ASTN2: variants seen among roughly 807,000 people sequenced by gnomAD.
The protein encoded by ASTN2 is astrotactin-2.
Under a neutral mutation model 139.8 loss-of-function variants are expected in ASTN2, and 54 were observed. The ratio of observed to expected loss-of-function variants is 0.39; its 90% CI spans 0.31 to 0.48. The LOEUF (loss-of-function observed/expected upper bound fraction) is 0.48. ASTN2 is among the 20% of genes least tolerant of loss of function. The probability of loss-of-function intolerance (pLI) is 0.95; values close to 1 mark genes in which losing one functional copy is unlikely to be tolerated. For missense variants in ASTN2, 1,565 were observed against 1,725.1 expected (o/e 0.91, Z 1.64); for synonymous variants, 756 against 719.5 (o/e 1.05, Z -0.81).
chr9:116,756,330 T>A (rs1829531280), intron 13 of ASTN2, among the ~76,000 whole-genome samples: 1 of 152,190 alleles, frequency 6.6e-6, no homozygotes, highest in Admixed American at 6.6e-5. Context: ...TTATAGAACC[T>A]ATCTAAACCT....
intron 20 of ASTN2, among the ~76,000 whole-genome samples, chr9:116,456,660 T>C (rs1172698156): frequency 6.6e-6 from 1 of 152,020 alleles, no homozygotes; most frequent in Non-Finnish European, 1.5e-5. Context: ...TGCAGGGAAA[T>C]CTCTTTTTAT....
Position 116,442,434 on chromosome 9 carries a change from G to C in ASTN2, c.3598+19C>G. 1 of 1,607,782 alleles carries C rather than the reference G, an allele frequency of 6.2e-7. No individual in the cohort carries two copies. The highest frequency in any genetic ancestry group is 8.5e-7 in the Non-Finnish European group (1 of 1,174,296). On this transcript the variant is annotated intron_variant, in intron 21 of 22. Transcript: ENST00000313400. Reference sequence around the variant, plus strand: ...GAAATATGGGAGTTACTTTGGAGTTGAAAAACTGGGTTACCTACCTTCTGC... The same window carrying C: ...GAAATATGGGAGTTACTTTGGAGTTCAAAAACTGGGTTACCTACCTTCTGC...
At chr9:117,159,576 A>G (rs182013387) in intron 3 of ASTN2, among the ~76,000 whole-genome samples, 3 of 152,150 alleles carry the variant, frequency 2.0e-5, no homozygotes, top group East Asian at 1.9e-4. Flanking sequence ...TTGAGCATCA[A>G]TTCATTATTG....
At chr9:116,461,438 A>G (rs548046404) in intron 20 of ASTN2, among the ~76,000 whole-genome samples, 1 of 152,228 alleles carries the variant, frequency 6.6e-6, no homozygotes, top group African/African-American at 2.4e-5. Context: ...ATATGTACAC[A>G]TATATAGGTG....
chr9:116,659,914 C>T (rs569361384), intron 16 of ASTN2, among the ~76,000 whole-genome samples: 2 of 152,264 alleles, frequency 1.3e-5, no homozygotes, highest in South Asian at 2.1e-4. Flanking sequence ...CATCCAGGAA[C>T]CACACTTCTC....
intron 3 of ASTN2, among the ~76,000 whole-genome samples, chr9:117,187,124 A>C (rs1273602594): frequency 6.6e-6 from 1 of 152,242 alleles, no homozygotes; most frequent in Non-Finnish European, 1.5e-5. Context: ...GTGAGACTCC[A>C]TCTCAGAAAA....
intron 5 of ASTN2, among the ~76,000 whole-genome samples, chr9:117,055,227 T>A (rs567612237): frequency 6.6e-6 from 1 of 152,286 alleles, no homozygotes; most frequent in African/African-American, 2.4e-5. Context: ...AACAAAAATG[T>A]AAGTAAGTAC....
intron 13 of ASTN2, among the ~76,000 whole-genome samples, chr9:116,790,213 C>T (rs956549175): frequency 8.6e-5 from 13 of 151,920 alleles, no homozygotes; most frequent in Non-Finnish European, 1.9e-4. Flanking sequence ...GGCGTGAGCC[C>T]CCACACCCGG....
intron 19 of ASTN2, among the ~76,000 whole-genome samples, chr9:116,491,514 A>C (rs566954500): frequency 6.6e-6 from 1 of 152,248 alleles, no homozygotes; most frequent in African/African-American, 2.4e-5. Context: ...GGAATGAGAC[A>C]ATAAAAGAAA....
In ASTN2 at chr9:116,651,696, C is replaced by T. The variant is rs148683063; in HGVS notation, c.2904G>A (p.Gln968=). 1.4e-4 allele frequency: 218 copies of T among 1,614,156 alleles called. No individual in the cohort carries two copies. The East Asian group carries it at 4.9e-3, about 36-fold the overall frequency. ...LLTAQMLSDD[Q]LISGVEIRCE... ...AGCGAATCTCCACACCTGAAATGAG[C>T]TGGTCATCTGACAGCATCTGGGCTG... The change falls in exon 17 of 23, where the codon CAG becomes CAA. Residue 968 remains glutamine, a synonymous_variant. Transcript: ENST00000313400.
intron 3 of ASTN2, among the ~76,000 whole-genome samples, chr9:117,169,078 A>G (rs1351120329): frequency 6.6e-6 from 1 of 152,134 alleles, no homozygotes; most frequent in East Asian, 1.9e-4. Context: ...AGAAATCACT[A>G]CGCAGAAATC....
intron 7 of ASTN2, among the ~76,000 whole-genome samples, chr9:117,007,298 G>A (rs969674551): frequency 6.6e-6 from 1 of 152,064 alleles, no homozygotes; most frequent in Non-Finnish European, 1.5e-5. Context: ...ACCTAACAGA[G>A]TCATATAATT....
intron 19 of ASTN2, chr9:116,612,813 G>C (rs1855617137): frequency 6.6e-6 from 1 of 150,638 alleles, no homozygotes. Context: ...AAAAGAACTA[G>C]AGAAGCAAGA....
intron 7 of ASTN2, among the ~76,000 whole-genome samples, chr9:117,000,459 T>G (rs2132568784): frequency 6.6e-6 from 1 of 152,354 alleles, no homozygotes; most frequent in East Asian, 1.9e-4. Flanking sequence ...TCAAAGGTTT[T>G]ATTTACAGAA....
intron 1 of ASTN2, among the ~76,000 whole-genome samples, chr9:117,404,875 TGGGGAAGAAAGG>T (rs1830938251): frequency 6.7e-6 from 1 of 150,236 alleles, no homozygotes; most frequent in Non-Finnish European, 1.5e-5. Context: ...GGAAAGGGGA[TGGGGAAGAAAGG>T]AGGGAAGGTG....
intron 16 of ASTN2, chr9:116,700,839 T>C (rs973911445): frequency 6.0e-6 from 1 of 166,880 alleles, no homozygotes; most frequent in African/African-American, 2.4e-5. Context: ...CTTCCTTATC[T>C]CACTGTGTTC....
chr9:117,414,362 GC>G lies in ASTN2; in HGVS notation c.442+134del. On this transcript the variant is annotated intron_variant, in intron 1 of 22. Transcript: ENST00000313400. The surrounding 1 kb of genome is among the most constrained non-coding windows in gnomAD (Gnocchi z 4.2). Reference sequence around the variant, plus strand: ...TTCCAACCACCTGTGCGACCTCTGGGCCCCTCCTCTACCCTCTGCCAACCCC... The same window carrying G: ...TTCCAACCACCTGTGCGACCTCTGGGCCCTCCTCTACCCTCTGCCAACCCC... The G allele has an allele frequency of 7.2e-7, 1 of 1,382,064 alleles. No individual in the cohort carries two copies. The highest frequency in any genetic ancestry group is 9.5e-7 in the Non-Finnish European group (1 of 1,049,594). The allele number at this position is 1,382,064 out of a possible 1,614,324, so 85.6% of individuals were successfully genotyped here. A position where few individuals can be genotyped will look rare whatever the true frequency, so the allele number is the denominator to read the frequency against.
chr9:117,293,394 G>T (rs11789801), intron 1 of ASTN2, among the ~76,000 whole-genome samples: 103 of 152,240 alleles, frequency 6.8e-4, no homozygotes, highest in Non-Finnish European at 1.3e-3. Flanking sequence ...TACAGTCTTT[G>T]CATGGCCTCC....
intron 10 of ASTN2, among the ~76,000 whole-genome samples, chr9:116,944,540 G>C (rs532596322): frequency 1.3e-5 from 2 of 151,928 alleles, no homozygotes; most frequent in Non-Finnish European, 2.9e-5. Context: ...AATTGGCTGG[G>C]CATGGTGGCT....
Sources: gnomAD v4.1 joint callset for allele counts (sites outside exome capture counted in the v4.1 genomes callset) on GRCh38, gnomAD v4.1.1 for gene constraint, Gnocchi (gnomAD v3.1) non-coding constraint, MANE v1.5 for transcripts, NCBI Gene and HGNC (gene_info 2026-07-23, HGNC 2026-07-21) for gene names.